EYS: variants seen among roughly 807,000 people sequenced by gnomAD.
EYS encodes EGF-like photoreceptor maintenance factor, also known as protein eyes shut homolog.
A neutral mutation model predicts 282.1 loss-of-function variants in EYS; 250 were observed. The observed-to-expected ratio is 0.89, with a 90% CI of 0.80 to 0.98. EYS has a LOEUF of 0.98. EYS is among the 50% of genes least tolerant of loss of function. The pLI is 0.00. For synonymous variants in EYS, 1,355 were observed against 1,282.9 expected, an observed-to-expected ratio of 1.06 and a Z score of -1.20; for missense variants, 4,016 against 3,709.0, an observed-to-expected ratio of 1.08 and a Z score of -2.15.
rs1191451341 is a variant in EYS, at chr6:64,755,340, A to AGGT, written c.3443+58037_3443+58038insACC. On this transcript the variant is annotated intron_variant, in intron 22 of 42. Coordinates refer to ENST00000503581, the MANE Select transcript of EYS (RefSeq NM_001142800.2). ...ATACCTCATGCTCATGGATTGGAAG[A>AGGT]AACCCCAAAGCAATCTATAGATTCA... Among the ~76,000 whole-genome samples the AGGT allele has an allele frequency of 3.3e-5, 5 of 152,266 alleles. No homozygotes were observed. In the East Asian group the frequency reaches 9.7e-4, roughly 29 times the overall value.
At chr6:63,806,450 G>T in intron 36 of EYS, 78 bp from the exon 37 acceptor site, 1 of 1,242,008 alleles carries the variant, frequency 8.1e-7, no homozygotes, top group Non-Finnish European at 1.1e-6. Flanking sequence ...TTTTGCTGAT[G>T]CATCTGGCCA....
At chr6:65,360,801 T>TA (rs1764673708) in intron 8 of EYS, among the ~76,000 whole-genome samples, 1 of 152,144 alleles carries the variant, frequency 6.6e-6, no homozygotes, top group South Asian at 2.1e-4. Flanking sequence ...CCATTTAGTG[T>TA]AGTCACTGCT....
At chr6:65,290,143 A>G (rs1406521476) in intron 12 of EYS, among the ~76,000 whole-genome samples, 3 of 151,156 alleles carry the variant, frequency 2.0e-5, no homozygotes, top group African/African-American at 7.3e-5. Flanking sequence ...TAAACAACAG[A>G]CAGAATAAAA....
intron 28 of EYS, among the ~76,000 whole-genome samples, chr6:64,405,529 A>G (rs1015439039): frequency 1.3e-5 from 2 of 152,246 alleles, no homozygotes; most frequent in Admixed American, 6.5e-5. Flanking sequence ...CAAAAGCAGA[A>G]GTCAAATTGT....
chr6:65,254,096 G>A (rs1308905592), intron 12 of EYS, among the ~76,000 whole-genome samples: 4 of 151,752 alleles, frequency 2.6e-5, no homozygotes, highest in Non-Finnish European at 5.9e-5. Flanking sequence ...AACATATGCC[G>A]AGATAACATA....
At chr6:64,627,084 A>C (rs1767633558) in intron 22 of EYS, among the ~76,000 whole-genome samples, 1 of 152,190 alleles carries the variant, frequency 6.6e-6, no homozygotes, top group South Asian at 2.1e-4. Context: ...CTGATGGAGG[A>C]TCCACAATAT....
At chr6:65,606,162 G>A (rs1765782683) in intron 2 of EYS, among the ~76,000 whole-genome samples, 1 of 151,420 alleles carries the variant, frequency 6.6e-6, no homozygotes, top group Admixed American at 6.6e-5. Context: ...GAAATATAGA[G>A]AATAAGTATT....
intron 2 of EYS, among the ~76,000 whole-genome samples, chr6:65,515,244 C>G (rs1329824817): frequency 6.6e-6 from 1 of 151,580 alleles, no homozygotes; most frequent in African/African-American, 2.4e-5. Flanking sequence ...CAATGAGATA[C>G]CATCTCACAC....
At chr6:64,529,984 T>G (rs1298665370) in intron 26 of EYS, among the ~76,000 whole-genome samples, 1 of 152,108 alleles carries the variant, frequency 6.6e-6, no homozygotes, top group Non-Finnish European at 1.5e-5. Flanking sequence ...AATTTGTGCA[T>G]GGGTATTTCT....
intron 30 of EYS, among the ~76,000 whole-genome samples, chr6:64,236,919 A>G (rs2150341168): frequency 6.6e-6 from 1 of 152,202 alleles, no homozygotes; most frequent in South Asian, 2.1e-4. Context: ...TGTATGTAAC[A>G]AACATTCTTT....
chr6:65,494,408 G>C lies in EYS; in HGVS notation c.748+255C>G, dbSNP rs943353514. 2.6e-5 allele frequency among the ~76,000 whole-genome samples: 4 copies of C among 151,976 alleles called. No individual in the cohort carries two copies. The East Asian group carries it at 5.8e-4, about 22-fold the overall frequency. ...TTCTCCTGCCTCAGCCTCCGGAGTA[G>C]CTGGGACTACAGGCGCCCTCCACCA... is the stretch of plus-strand genomic sequence containing the variant. On this transcript the variant is annotated intron_variant, in intron 4 of 42. Coordinates refer to ENST00000503581, the MANE Select transcript of EYS (RefSeq NM_001142800.2).
chr6:64,818,019 G>C (rs1764791391), intron 21 of EYS, among the ~76,000 whole-genome samples: 1 of 152,050 alleles, frequency 6.6e-6, no homozygotes, highest in Non-Finnish European at 1.5e-5. Flanking sequence ...CTTCATCTGA[G>C]AAAGTCACGA....
intron 12 of EYS, among the ~76,000 whole-genome samples, chr6:65,161,621 A>C (rs1333024508): frequency 6.6e-6 from 1 of 151,234 alleles, no homozygotes; most frequent in East Asian, 2.0e-4. Flanking sequence ...TCTATTACCA[A>C]ATTCTAAATT....
At chr6:63,903,337 G>A (rs1267533770) in intron 35 of EYS, among the ~76,000 whole-genome samples, 1 of 152,118 alleles carries the variant, frequency 6.6e-6, no homozygotes, top group Non-Finnish European at 1.5e-5. Flanking sequence ...GTGAGCAAAA[G>A]CATAGAGTAG....
chr6:63,896,096 A>G (rs781226529), intron 35 of EYS, among the ~76,000 whole-genome samples: 5 of 152,146 alleles, frequency 3.3e-5, no homozygotes, highest in Non-Finnish European at 7.3e-5. Flanking sequence ...CAAAGACCAG[A>G]AACACTTGGG....
intron 12 of EYS, among the ~76,000 whole-genome samples, chr6:65,151,907 C>T (rs12189991): frequency 0.042 from 6,422 of 151,822 alleles, 196 homozygotes; most frequent in Middle Eastern, 0.065. Flanking sequence ...GAATTTTCCT[C>T]CCACTATTTT....
intron 31 of EYS, among the ~76,000 whole-genome samples, chr6:64,209,738 T>A (rs1765705379): frequency 6.6e-6 from 1 of 152,146 alleles, no homozygotes. Context: ...CTAGTTTCTC[T>A]TTCTGCCTTT....
At chr6:64,284,039 C>A (rs1464060083) in intron 30 of EYS, among the ~76,000 whole-genome samples, 1 of 152,114 alleles carries the variant, frequency 6.6e-6, no homozygotes, top group Non-Finnish European at 1.5e-5. Flanking sequence ...CTCCAAATAT[C>A]ATGTCTTTAC....
chr6:65,459,352 C>G (rs896270536), intron 5 of EYS, among the ~76,000 whole-genome samples: 7 of 151,982 alleles, frequency 4.6e-5, no homozygotes, highest in African/African-American at 1.7e-4. Flanking sequence ...GGTATTAATT[C>G]TGAATAATTG....
Sources: gnomAD v4.1 joint callset for allele counts (sites outside exome capture counted in the v4.1 genomes callset) on GRCh38, gnomAD v4.1.1 for gene constraint, MANE v1.5 for transcripts, NCBI Gene and HGNC (gene_info 2026-07-23, HGNC 2026-07-21) for gene names.